PCDHA12: variants seen among roughly 807,000 people sequenced by gnomAD.
The protein encoded by PCDHA12 is protocadherin alpha 12.
In PCDHA12, 44 loss-of-function variants were observed where a neutral mutation model predicts 60.0. The ratio of observed to expected loss-of-function variants is 0.73; its 90% CI spans 0.58 to 0.94. The LOEUF (loss-of-function observed/expected upper bound fraction) is 0.94, where lower values mean the gene tolerates loss of function less well. PCDHA12 is among the 40% of genes least tolerant of loss of function. The pLI is 0.00. For missense variants in PCDHA12, 1,276 were observed against 1,239.7 expected (o/e 1.03, Z -0.44); for synonymous variants, 569 against 553.0 (o/e 1.03, Z -0.40).
chr5:140,924,754 G>T (rs1332624356), intron 1 of PCDHA12, among the ~76,000 whole-genome samples: 1 of 151,848 alleles, frequency 6.6e-6, no homozygotes, highest in African/African-American at 2.4e-5. Flanking sequence ...AATTAACCGA[G>T]CATGGTGGTG....
chr5:140,939,789 A>G (rs1259994967), intron 1 of PCDHA12, among the ~76,000 whole-genome samples: 1 of 152,246 alleles, frequency 6.6e-6, no homozygotes, highest in Non-Finnish European at 1.5e-5. Context: ...GTCAATTTCT[A>G]TAAATGTTCT....
intron 3 of PCDHA12, among the ~76,000 whole-genome samples, chr5:140,998,686 T>G (rs1245765431): frequency 6.6e-6 from 1 of 152,118 alleles, no homozygotes; most frequent in Non-Finnish European, 1.5e-5. Context: ...TGCCTCAGCC[T>G]CCCAAGTAGC....
intron 1 of PCDHA12, among the ~76,000 whole-genome samples, chr5:140,908,977 A>T (rs1461491727): frequency 6.6e-6 from 1 of 152,168 alleles, no homozygotes; most frequent in Non-Finnish European, 1.5e-5. Context: ...GCCCCACTCC[A>T]CTGGACCCCT....
rs533097473 is a variant in PCDHA12 at position 140,902,214 on chromosome 5, T to C, written c.2367+24375T>C. ...CTCTCTCTCTCTTTCTTTTTTTTTT[T>C]TTTTTTTGAGATGAGGACTTGCTTT... On this transcript the variant is annotated intron_variant, in intron 1 of 3. Coordinates refer to ENST00000398631, the MANE Select transcript of PCDHA12 (RefSeq NM_018903.4). Among the ~76,000 whole-genome samples the C allele has an allele frequency of 1.3e-3, 198 of 150,584 alleles. 6 individuals are homozygous for C. The South Asian group carries it at 0.04, about 30-fold the overall frequency.
rs540052499 is a variant in PCDHA12 at position 140,992,812 on chromosome 5, G to A, written c.2515+10249G>A. Among the ~76,000 whole-genome samples the A allele has an allele frequency of 2.5e-4, 38 of 152,228 alleles. No homozygotes were observed. The South Asian group carries it at 7.9e-3, about 32-fold the overall frequency. ...TTTTATGGATCCATATGTATCTAAG[G>A]ATGTGTTTGTTTTTTGGGAACATTT... is the stretch of plus-strand genomic sequence containing the variant. On this transcript the variant is annotated intron_variant, in intron 3 of 3. Transcript: ENST00000398631.
chr5:140,929,082 G>A, intron 1 of PCDHA12: 2 of 1,614,216 alleles, frequency 1.2e-6, no homozygotes, highest in South Asian at 1.1e-5. Flanking sequence ...ATGGAAGTAA[G>A]ATGGTTTCAA....
chr5:140,968,083 G>A (rs1298667830), intron 1 of PCDHA12: 1 of 1,614,006 alleles, frequency 6.2e-7, no homozygotes, highest in Non-Finnish European at 8.5e-7. Flanking sequence ...ACATCACGGT[G>A]ACAGCCACAG....
chr5:140,909,493 G>A (rs989826667), intron 1 of PCDHA12, among the ~76,000 whole-genome samples: 2 of 152,184 alleles, frequency 1.3e-5, no homozygotes, highest in African/African-American at 4.8e-5. Context: ...AGAGCTGAAC[G>A]GGGATGTGGT....
chr5:140,967,498 T>G, intron 1 of PCDHA12: 2 of 1,613,108 alleles, frequency 1.2e-6, no homozygotes, highest in Non-Finnish European at 1.7e-6. Flanking sequence ...CACAGATCTC[T>G]GTGCGTGTCC....
At chr5:140,884,385 C>A (rs1554181508) in intron 1 of PCDHA12, 1 of 1,613,992 alleles carries the variant, frequency 6.2e-7, no homozygotes, top group Non-Finnish European at 8.5e-7. Context: ...GCCATCTGCG[C>A]GGTGTCCAGC....
intron 1 of PCDHA12, among the ~76,000 whole-genome samples, chr5:140,974,578 C>T (rs1554236214): frequency 6.6e-6 from 1 of 152,170 alleles, no homozygotes; most frequent in Admixed American, 6.5e-5. Flanking sequence ...ATGGCATGAT[C>T]TTGGCTCACT....
intron 1 of PCDHA12, among the ~76,000 whole-genome samples, chr5:140,880,555 T>C (rs1250449659): frequency 1.3e-5 from 2 of 152,134 alleles, no homozygotes; most frequent in Admixed American, 6.6e-5. Context: ...CTGATGGAAA[T>C]GAGGTTGAGA....
At chr5:140,926,330 G>T (rs1269020840) in intron 1 of PCDHA12, 1 of 152,266 alleles carries the variant, frequency 6.6e-6, no homozygotes, top group East Asian at 1.9e-4. Flanking sequence ...CGGGGTCAGA[G>T]CGCCGGGACC....
intron 1 of PCDHA12, among the ~76,000 whole-genome samples, chr5:140,948,646 G>A (rs1030231985): frequency 3.3e-5 from 5 of 151,616 alleles, no homozygotes; most frequent in South Asian, 2.1e-4. Context: ...ATCTTTTAAC[G>A]TCTGTATAAT....
chr5:140,929,511 G>T, intron 1 of PCDHA12: 1 of 781,088 alleles, frequency 1.3e-6, no homozygotes, highest in Non-Finnish European at 1.8e-6. Flanking sequence ...AGGCCTCAAG[G>T]GACTTATAGT....
intron 1 of PCDHA12, among the ~76,000 whole-genome samples, chr5:140,947,608 A>G (rs1381677530): frequency 3.3e-5 from 5 of 151,684 alleles, no homozygotes; most frequent in Non-Finnish European, 7.4e-5. Flanking sequence ...AAGATTTGGT[A>G]TCTTAACAAT....
In PCDHA12 at chr5:140,929,209, G is replaced by A. The variant is rs553616030; in HGVS notation, c.2368-49740G>A. Reference sequence around the variant, plus strand: ...TGATAATAACAGTTTGCTGTTGCGTGGGGAGTACAATGCTGCCGACCTGCG... The same window carrying A: ...TGATAATAACAGTTTGCTGTTGCGTAGGGAGTACAATGCTGCCGACCTGCG... On this transcript the variant is annotated intron_variant, in intron 1 of 3. Transcript: ENST00000398631. 71 of 1,614,054 alleles carry A rather than the reference G, an allele frequency of 4.4e-5. 2 individuals carry two copies. The South Asian group carries it at 7.1e-4, about 16-fold the overall frequency.
chr5:140,962,939 C>CA (rs2095722674), intron 1 of PCDHA12, among the ~76,000 whole-genome samples: 1 of 152,134 alleles, frequency 6.6e-6, no homozygotes, highest in African/African-American at 2.4e-5. Context: ...ACCTCCTCTC[C>CA]ATAAGATATG....
At chr5:140,920,835 C>T (rs1253933771) in intron 1 of PCDHA12, among the ~76,000 whole-genome samples, 1 of 141,740 alleles carries the variant, frequency 7.1e-6, no homozygotes, top group Non-Finnish European at 1.5e-5. Flanking sequence ...GGAGCAAGAC[C>T]AAATCTAAAA....
Sources: allele counts gnomAD v4.1 joint callset (sites outside exome capture counted in the v4.1 genomes callset), GRCh38; gene constraint gnomAD v4.1.1; transcripts MANE v1.5; gene names NCBI Gene and HGNC (gene_info 2026-07-23, HGNC 2026-07-21).